The following GNG4 variants were observed in gnomAD, a reference collection of about 807,000 sequenced individuals.
GNG4 encodes the protein guanine nucleotide-binding protein G(I)/G(S)/G(O) subunit gamma-4.
In GNG4, 4 loss-of-function variants were observed where a neutral mutation model predicts 5.8. The ratio of observed to expected loss-of-function variants is 0.69; its 90% CI spans 0.34 to 1.57. GNG4 has a LOEUF of 1.57. Among genes scored for constraint, GNG4 ranks in the 40% most tolerant of loss-of-function variants. The probability of loss-of-function intolerance (pLI) is 0.06; values close to 1 mark genes in which losing one functional copy is unlikely to be tolerated. For synonymous variants in GNG4, 29 were observed against 32.9 expected (o/e 0.88, Z 0.41); for missense variants, 96 against 95.1 (o/e 1.01, Z -0.04).
At chr1:235,601,404 A>T (rs1299425043) in intron 1 of GNG4, among the ~76,000 whole-genome samples, 1 of 152,158 alleles carries the variant, frequency 6.6e-6, no homozygotes, top group Non-Finnish European at 1.5e-5. Context: ...GAATATTCTT[A>T]TGAGGGAGGC....
chr1:235,643,223 T>C (rs186816404), intron 1 of GNG4, among the ~76,000 whole-genome samples: 1 of 152,348 alleles, frequency 6.6e-6, no homozygotes, highest in Admixed American at 6.5e-5. Flanking sequence ...ACCCCGGCTC[T>C]GAGCAACCTT....
intron 3 of GNG4, among the ~76,000 whole-genome samples, chr1:235,554,546 C>T (rs778444013): frequency 6.6e-6 from 1 of 152,060 alleles, no homozygotes; most frequent in Non-Finnish European, 1.5e-5. Flanking sequence ...CTGGGAGTTC[C>T]GTTTAAGAAT....
rs1304372961 is a variant in GNG4, at chr1:235,568,329, T to C, written c.99+15411A>G. On this transcript the variant is annotated intron_variant, in intron 3 of 3. Transcript: ENST00000391854. ...AATGCCTCCTATGACTCAGATTGTG[T>C]GTGGATCCAGCCATGTGCAAGACCC... is the stretch of plus-strand genomic sequence containing the variant. Among the ~76,000 whole-genome samples the C allele has an allele frequency of 2.0e-5, 3 of 152,244 alleles. 1 individual carries two copies. The East Asian group carries it at 5.8e-4, about 29-fold the overall frequency.
intron 1 of GNG4, among the ~76,000 whole-genome samples, chr1:235,625,413 A>G (rs551238002): frequency 2.0e-4 from 30 of 152,330 alleles, no homozygotes; most frequent in African/African-American, 6.7e-4. Context: ...GTGACCATCA[A>G]TGACCCAACA....
chr1:235,566,905 T>G (rs1687211068), intron 3 of GNG4: 1 of 152,124 alleles, frequency 6.6e-6, no homozygotes, highest in Admixed American at 6.6e-5. Context: ...GGAAGCTGGA[T>G]TTGGAGATAA....
chr1:235,570,475 C>T (rs990512274), intron 3 of GNG4, among the ~76,000 whole-genome samples: 1 of 147,538 alleles, frequency 6.8e-6, no homozygotes, highest in African/African-American at 2.5e-5. Context: ...TGGCTCACTG[C>T]AACCTCCGCC....
At chr1:235,575,567 C>T (rs1349200770) in intron 3 of GNG4, among the ~76,000 whole-genome samples, 2 of 152,168 alleles carry the variant, frequency 1.3e-5, no homozygotes, top group South Asian at 2.1e-4. Flanking sequence ...TAAGGGCAGC[C>T]CTTGTAGGAA....
At chr1:235,581,696 A>G (rs1014687425) in intron 3 of GNG4, among the ~76,000 whole-genome samples, 2 of 152,016 alleles carry the variant, frequency 1.3e-5, no homozygotes, top group African/African-American at 4.8e-5. Context: ...CCACCTGTGG[A>G]ACCACAGGCC....
intron 1 of GNG4, among the ~76,000 whole-genome samples, chr1:235,623,035 G>A (rs1374589666): frequency 6.6e-6 from 1 of 151,854 alleles, no homozygotes; most frequent in Non-Finnish European, 1.5e-5. Flanking sequence ...GCGAGCCTCT[G>A]TTTCAAGAAA....
chr1:235,605,963 T>TGG (rs1491497172), intron 1 of GNG4, among the ~76,000 whole-genome samples: 2 of 144,012 alleles, frequency 1.4e-5, no homozygotes, highest in Non-Finnish European at 3.0e-5. Flanking sequence ...TGTGGGGGGG[T>TGG]GGGTCTCACT....
chr1:235,583,648 C>T (rs1687696087), intron 3 of GNG4, 92 bp downstream of exon 3: 8 of 763,300 alleles, frequency 1.0e-5, no homozygotes, highest in East Asian at 5.1e-5. Context: ...TGCTGGGTGA[C>T]GTGTTAACTC....
At chr1:235,631,449 T>A (rs551301336) in intron 1 of GNG4, among the ~76,000 whole-genome samples, 10 of 152,354 alleles carry the variant, frequency 6.6e-5, no homozygotes, top group Admixed American at 5.2e-4. Context: ...TCCTGGAGCA[T>A]GCAGCACTGA....
rs1181727802 is a variant in GNG4 at position 235,642,920 on chromosome 1, C to T, written c.-123+6742G>A. On this transcript the variant is annotated intron_variant, in intron 1 of 3. Transcript: ENST00000391854. This position sits in a 1 kb window ranked among gnomAD's most constrained non-coding sequence, Gnocchi z 4.3. ...TACTTGCCCAGCTTCATTCACAAAA[C>T]CAGGTCACATTACCCCTCGTCCATC... Among the ~76,000 whole-genome samples the T allele has an allele frequency of 6.6e-6, 1 of 152,128 alleles. No homozygotes were observed. Among genetic ancestry groups the T allele is most frequent in the Non-Finnish European group, 1.5e-5 (1 of 68,020 alleles).
chr1:235,633,960 G>C lies in GNG4; in HGVS notation c.-123+15702C>G, dbSNP rs571001824. On this transcript the variant is annotated intron_variant, in intron 1 of 3. Transcript: ENST00000391854. ...GATAAAAAGACGAGAATCCAAATGT[G>C]AGAAGCAGAAAAATAAAGCTCTGGT... Among the ~76,000 whole-genome samples, 24 of 152,320 alleles carry C rather than the reference G, an allele frequency of 1.6e-4. No homozygotes were observed. The South Asian group carries it at 5.0e-3, about 32-fold the overall frequency.
intron 1 of GNG4, among the ~76,000 whole-genome samples, chr1:235,609,320 G>A (rs368143883): frequency 1.8e-3 from 278 of 152,182 alleles, no homozygotes; most frequent in African/African-American, 6.5e-3. Flanking sequence ...ATGCTGCCAC[G>A]AACATGTATT....
Position 235,616,639 on chromosome 1 carries a change from G to A in GNG4, c.-122-21128C>T, listed in dbSNP as rs533364000. On this transcript the variant is annotated intron_variant, in intron 1 of 3. Transcript: ENST00000391854. Reference sequence around the variant, plus strand: ...CCTCTCCTCACCTCCTTTTCTCTCTGTGACTCTGGAACCTGAATGCAGCTT... The same window carrying A: ...CCTCTCCTCACCTCCTTTTCTCTCTATGACTCTGGAACCTGAATGCAGCTT... Among the ~76,000 whole-genome samples the A allele has an allele frequency of 6.3e-4, 96 of 152,256 alleles. 2 individuals are homozygous for A. The highest frequency in any genetic ancestry group is 2.3e-3 in the African/African-American group (94 of 41,542).
intron 2 of GNG4, among the ~76,000 whole-genome samples, chr1:235,594,100 G>A (rs1337709090): frequency 6.6e-6 from 1 of 152,158 alleles, no homozygotes; most frequent in Non-Finnish European, 1.5e-5. Context: ...CCCTGAGCTA[G>A]ACACAAAAGT....
At chr1:235,613,636 A>T (rs1688528488) in intron 1 of GNG4, among the ~76,000 whole-genome samples, 1 of 152,178 alleles carries the variant, frequency 6.6e-6, no homozygotes, top group Admixed American at 6.5e-5. Flanking sequence ...AAAAGGCAAG[A>T]AGGATTTTCT....
At chr1:235,613,537 C>CAG (rs199823361) in intron 1 of GNG4, among the ~76,000 whole-genome samples, 2,273 of 152,052 alleles carry the variant, frequency 0.015, 67 homozygotes, top group African/African-American at 0.05. Context: ...CGGTGTCAGT[C>CAG]AGAGAGAGAG....
Sources: gnomAD v4.1 joint callset for allele counts (sites outside exome capture counted in the v4.1 genomes callset) on GRCh38, gnomAD v4.1.1 for gene constraint, Gnocchi (gnomAD v3.1) non-coding constraint, MANE v1.5 for transcripts, NCBI Gene and HGNC (gene_info 2026-07-23, HGNC 2026-07-21) for gene names.